The following CNTN5 variants were observed in gnomAD, a reference collection of about 807,000 sequenced individuals.
The protein encoded by CNTN5 is contactin-5.
A neutral mutation model predicts 129.1 loss-of-function variants in CNTN5; 77 were observed. The observed-to-expected ratio is 0.60, with a 90% CI of 0.50 to 0.72. CNTN5 has a LOEUF of 0.72. Ranked by LOEUF, CNTN5 falls within the 30% of genes least tolerant of loss-of-function variation. The pLI is 0.00. For missense variants in CNTN5, 1,478 were observed against 1,328.8 expected (o/e 1.11, Z -1.75); for synonymous variants, 509 against 465.6 (o/e 1.09, Z -1.20).
chr11:99,853,726 AT>A (rs1334313440), intron 6 of CNTN5, among the ~76,000 whole-genome samples: 2 of 152,156 alleles, frequency 1.3e-5, no homozygotes, highest in African/African-American at 4.8e-5. Context: ...TTTATTGAAC[AT>A]TTAAATTGTA....
At chr11:99,382,605 C>T (rs974386111) in intron 2 of CNTN5, among the ~76,000 whole-genome samples, 1 of 152,060 alleles carries the variant, frequency 6.6e-6, no homozygotes, top group South Asian at 2.1e-4. Context: ...CACATCCACT[C>T]GCCCTCTCTT....
At chr11:99,231,030 A>G (rs990430762) in intron 1 of CNTN5, among the ~76,000 whole-genome samples, 2 of 152,104 alleles carry the variant, frequency 1.3e-5, no homozygotes, top group African/African-American at 2.4e-5. Context: ...TATATGTGCC[A>G]TATTTGTTTA....
At chr11:99,900,707 T>C (rs558357385) in intron 6 of CNTN5, among the ~76,000 whole-genome samples, 1 of 152,286 alleles carries the variant, frequency 6.6e-6, no homozygotes, top group African/African-American at 2.4e-5. Context: ...ATCTTATTTA[T>C]TTATCCAATT....
chr11:99,082,188 CT>C (rs747509458), intron 1 of CNTN5, among the ~76,000 whole-genome samples: 753 of 132,674 alleles, frequency 5.7e-3, no homozygotes, highest in African/African-American at 5.7e-3. Context: ...TCTCCAAAAG[CT>C]TTTTTTTTTT....
rs550715224 is a variant in CNTN5 at position 99,724,941 on chromosome 11, C to T, written c.56-94603C>T. 1.2e-3 allele frequency among the ~76,000 whole-genome samples: 188 copies of T among 152,316 alleles called. 1 individual carries two copies. The highest frequency in any genetic ancestry group is 2.3e-3 in the Non-Finnish European group (157 of 68,028). ...ATATCAAAACAGAATTTACATTTCA[C>T]ATCACAAGATAAAAGATTTTTTGCG... On this transcript the variant is annotated intron_variant, in intron 3 of 24. Coordinates refer to ENST00000524871, the MANE Select transcript of CNTN5 (RefSeq NM_014361.4).
At chr11:99,337,866 GT>G (rs2136045290) in intron 2 of CNTN5, among the ~76,000 whole-genome samples, 1 of 3,218 alleles carries the variant, frequency 3.1e-4, no homozygotes, top group South Asian at 0.05. Context: ...TTCTATAAAA[GT>G]TTAAAAAAAT....
intron 3 of CNTN5, among the ~76,000 whole-genome samples, chr11:99,612,641 A>T (rs1263189736): frequency 1.3e-5 from 2 of 152,232 alleles, no homozygotes; most frequent in African/African-American, 4.8e-5. Flanking sequence ...CTGCCTTTAC[A>T]AAATTGAAAG....
At chr11:100,175,431 CAAAA>C (rs1177668301) in intron 13 of CNTN5, among the ~76,000 whole-genome samples, 1 of 151,796 alleles carries the variant, frequency 6.6e-6, no homozygotes, top group African/African-American at 2.4e-5. Context: ...CCTTTTTTAA[CAAAA>C]AAGGAATTTA....
intron 2 of CNTN5, among the ~76,000 whole-genome samples, chr11:99,362,501 TA>T (rs1939180521): frequency 6.6e-6 from 1 of 152,016 alleles, no homozygotes; most frequent in South Asian, 2.1e-4. Context: ...ACAATTTATC[TA>T]TTTTTTTTAG....
chr11:100,002,082 C>T lies in CNTN5; in HGVS notation c.926C>T (p.Thr309Met), dbSNP rs201089460. 55 of 1,597,612 alleles carry T rather than the reference C, an allele frequency of 3.4e-5. No individual in the cohort carries two copies. The Middle Eastern group carries it at 5.0e-4, about 14-fold the overall frequency. Residue 309 changes from threonine (T) to methionine (M), a missense_variant, in exon 9 of 25, where the codon ACG becomes ATG. Thr to Met is a moderately conservative substitution (Grantham distance 81, BLOSUM62 -1). Coordinates refer to ENST00000524871, the MANE Select transcript of CNTN5 (RefSeq NM_014361.4). The stretch of plus-strand genomic sequence containing the variant: ...AAAATTGAGGTCCATTTTCCTTTCA[C>T]GGTTACAGCTGCTAAAGGAACAACT... ...EPKIEVHFPF[T>M]VTAAKGTTVK...
intron 3 of CNTN5, among the ~76,000 whole-genome samples, chr11:99,762,393 T>C (rs1049428937): frequency 2.0e-5 from 3 of 151,366 alleles, no homozygotes; most frequent in Admixed American, 2.0e-4. Flanking sequence ...GTTTTTATGG[T>C]TTTAGGTCTA....
chr11:100,303,586 T>A (rs1951280758), intron 20 of CNTN5, among the ~76,000 whole-genome samples: 1 of 151,228 alleles, frequency 6.6e-6, no homozygotes, highest in Non-Finnish European at 1.5e-5. Context: ...TTATCCTTTA[T>A]CCTTTCTAGT....
chr11:99,127,341 G>A (rs1283352145), intron 1 of CNTN5, among the ~76,000 whole-genome samples: 1 of 152,074 alleles, frequency 6.6e-6, no homozygotes, highest in East Asian at 1.9e-4. Context: ...CACAAACCTG[G>A]ATGTCATCTG....
At chr11:99,410,611 A>G (rs374212898) in intron 2 of CNTN5, among the ~76,000 whole-genome samples, 167 of 152,350 alleles carry the variant, frequency 1.1e-3, no homozygotes, top group African/African-American at 3.9e-3. Context: ...CTGTAAATTT[A>G]TCCAGAAAGT....
At chr11:99,303,884 A>G (rs969048978) in intron 1 of CNTN5, among the ~76,000 whole-genome samples, 1 of 152,144 alleles carries the variant, frequency 6.6e-6, no homozygotes, top group Admixed American at 6.5e-5. Context: ...TTAATCCTTT[A>G]GTAACACCAT....
chr11:99,476,036 A>C (rs1260379074), intron 2 of CNTN5, among the ~76,000 whole-genome samples: 1 of 150,420 alleles, frequency 6.6e-6, no homozygotes. Flanking sequence ...ACAGCCTCTA[A>C]TATTTCTTCA....
intron 1 of CNTN5, among the ~76,000 whole-genome samples, chr11:99,229,634 A>C (rs1490450372): frequency 6.6e-6 from 1 of 152,040 alleles, no homozygotes; most frequent in Non-Finnish European, 1.5e-5. Flanking sequence ...AGAACACATA[A>C]GGAGAGCGTG....
chr11:99,112,622 A>C (rs1463063092), intron 1 of CNTN5, among the ~76,000 whole-genome samples: 1 of 152,016 alleles, frequency 6.6e-6, no homozygotes, highest in African/African-American at 2.4e-5. Context: ...CATGAATGAT[A>C]TTAAGTTTTG....
At chr11:99,620,365 AAAGT>A (rs933321624) in intron 3 of CNTN5, among the ~76,000 whole-genome samples, 2 of 150,420 alleles carry the variant, frequency 1.3e-5, no homozygotes, top group Non-Finnish European at 3.0e-5. Context: ...AATTAAATAA[AAAGT>A]AAACATTCAT....
Sources: allele counts gnomAD v4.1 joint callset (sites outside exome capture counted in the v4.1 genomes callset), GRCh38; gene constraint gnomAD v4.1.1; transcripts MANE v1.5; gene names NCBI Gene and HGNC (gene_info 2026-07-23, HGNC 2026-07-21).